ATP8A2: variants seen among roughly 807,000 people sequenced by gnomAD.
The protein encoded by ATP8A2 is ATPase phospholipid transporting 8A2.
A neutral mutation model predicts 165.6 loss-of-function variants in ATP8A2; 100 were observed. The observed-to-expected ratio is 0.60, with a 90% CI of 0.51 to 0.71. ATP8A2 has a LOEUF of 0.71. ATP8A2 is among the 30% of genes least tolerant of loss of function. ATP8A2 has a pLI of 0.00. For missense variants in ATP8A2, 1,227 were observed against 1,479.5 expected, an observed-to-expected ratio of 0.83 and a Z score of 2.80; for synonymous variants, 543 against 548.8, an observed-to-expected ratio of 0.99 and a Z score of 0.15.
intron 15 of ATP8A2, among the ~76,000 whole-genome samples, chr13:25,560,360 A>T (rs894248017): frequency 6.6e-6 from 1 of 152,082 alleles, no homozygotes; most frequent in South Asian, 2.1e-4. Context: ...TTTTTAAAAA[A>T]TTTTATTTTT....
intron 24 of ATP8A2, among the ~76,000 whole-genome samples, chr13:25,628,583 A>G (rs1259565756): frequency 2.0e-5 from 3 of 152,010 alleles, no homozygotes; most frequent in Non-Finnish European, 2.9e-5. Context: ...TTTAAATAGC[A>G]GAAACTTGTC....
chr13:25,858,258 T>A (rs1952230521), intron 30 of ATP8A2, among the ~76,000 whole-genome samples: 1 of 152,232 alleles, frequency 6.6e-6, no homozygotes, highest in Non-Finnish European at 1.5e-5. Flanking sequence ...TGTTGCCTTC[T>A]TGGGATTAAT....
intron 30 of ATP8A2, among the ~76,000 whole-genome samples, chr13:25,851,352 C>T (rs539456524): frequency 7.9e-5 from 12 of 152,144 alleles, no homozygotes; most frequent in Admixed American, 1.3e-4. Context: ...GAGGCCAAGG[C>T]GGGCAGATCA....
chr13:25,907,083 T>A (rs911155368), intron 33 of ATP8A2, among the ~76,000 whole-genome samples: 1 of 152,104 alleles, frequency 6.6e-6, no homozygotes, highest in African/African-American at 2.4e-5. Flanking sequence ...TGCAAAAAAC[T>A]AGCCGGCGTG....
intron 27 of ATP8A2, among the ~76,000 whole-genome samples, chr13:25,790,930 G>GT (rs2045154936): frequency 6.6e-6 from 1 of 152,138 alleles, no homozygotes; most frequent in South Asian, 2.1e-4. Flanking sequence ...TACACTGTTG[G>GT]TGGGAGTGTA....
At chr13:25,639,180 A>G (rs1395709643) in intron 24 of ATP8A2, among the ~76,000 whole-genome samples, 1 of 152,242 alleles carries the variant, frequency 6.6e-6, no homozygotes, top group Non-Finnish European at 1.5e-5. Context: ...GATGCTAGGA[A>G]GAAATTGCAT....
chr13:25,409,151 G>A (rs1036657363), intron 1 of ATP8A2, among the ~76,000 whole-genome samples: 11 of 152,194 alleles, frequency 7.2e-5, no homozygotes, highest in African/African-American at 2.7e-4. Context: ...CAGCAGGCCT[G>A]CTTTCATCTC....
intron 24 of ATP8A2, among the ~76,000 whole-genome samples, chr13:25,593,540 T>C (rs1472365228): frequency 1.3e-5 from 2 of 152,206 alleles, no homozygotes; most frequent in Non-Finnish European, 2.9e-5. Context: ...ATTAAAATGC[T>C]GGAAAAAAAG....
intron 35 of ATP8A2, among the ~76,000 whole-genome samples, chr13:25,987,914 G>T (rs573708094): frequency 2.0e-5 from 3 of 152,332 alleles, no homozygotes; most frequent in South Asian, 2.1e-4. Context: ...TCTTCGTGTG[G>T]CTGATTTGCA....
chr13:25,408,484 G>A (rs1593267250), intron 1 of ATP8A2, among the ~76,000 whole-genome samples: 4 of 152,014 alleles, frequency 2.6e-5, no homozygotes, highest in Admixed American at 1.3e-4. Context: ...AGACTTGTAC[G>A]CAGTTCCCTG....
intron 24 of ATP8A2, among the ~76,000 whole-genome samples, chr13:25,686,200 T>C (rs1171118156): frequency 6.6e-6 from 1 of 152,128 alleles, no homozygotes; most frequent in African/African-American, 2.4e-5. Context: ...GCATGCTATA[T>C]TTGGGATGCC....
intron 33 of ATP8A2, among the ~76,000 whole-genome samples, chr13:25,910,706 G>A (rs73472931): frequency 0.026 from 3,957 of 152,136 alleles, 150 homozygotes; most frequent in African/African-American, 0.086. Context: ...ACGCTGTTTC[G>A]CTCACAAGGT....
chr13:25,844,575 C>T (rs1346475792), intron 30 of ATP8A2, among the ~76,000 whole-genome samples: 1 of 152,026 alleles, frequency 6.6e-6, no homozygotes, highest in Admixed American at 6.5e-5. Flanking sequence ...ATCCTCCCCA[C>T]CCCCAAAGAG....
intron 33 of ATP8A2, among the ~76,000 whole-genome samples, chr13:25,872,983 A>G (rs989675885): frequency 6.6e-6 from 1 of 151,996 alleles, no homozygotes; most frequent in South Asian, 2.1e-4. Context: ...GACGTATTTC[A>G]AGTACTCAGT....
chr13:25,697,864 T>G (rs908882896), intron 24 of ATP8A2, among the ~76,000 whole-genome samples: 4 of 152,210 alleles, frequency 2.6e-5, no homozygotes, highest in African/African-American at 9.7e-5. Context: ...ACATCTTTCT[T>G]AAATAAATCT....
chr13:25,408,188 A>G (rs2033863526), intron 1 of ATP8A2, among the ~76,000 whole-genome samples: 2 of 152,002 alleles, frequency 1.3e-5, no homozygotes, highest in South Asian at 4.2e-4. Flanking sequence ...AGGTCAGGAG[A>G]CCAAGACAAT....
intron 33 of ATP8A2, among the ~76,000 whole-genome samples, chr13:25,893,894 G>T (rs1390780382): frequency 6.6e-6 from 1 of 152,066 alleles, no homozygotes; most frequent in Non-Finnish European, 1.5e-5. Context: ...TTTTTGATGG[G>T]GTTGTTTGTT....
intron 24 of ATP8A2, among the ~76,000 whole-genome samples, chr13:25,653,805 C>T (rs2041868634): frequency 6.6e-6 from 1 of 152,054 alleles, no homozygotes; most frequent in Non-Finnish European, 1.5e-5. Flanking sequence ...GAAATCTGTT[C>T]CAACTTTTCA....
intron 24 of ATP8A2, among the ~76,000 whole-genome samples, chr13:25,666,833 G>A (rs74372956): frequency 0.035 from 5,318 of 152,188 alleles, 155 homozygotes; most frequent in East Asian, 0.13. Context: ...TAAGGCTGAG[G>A]TAGCCAAAAC....
Sources: gnomAD v4.1 joint callset for allele counts (sites outside exome capture counted in the v4.1 genomes callset) on GRCh38, gnomAD v4.1.1 for gene constraint, MANE v1.5 for transcripts, NCBI Gene and HGNC (gene_info 2026-07-23, HGNC 2026-07-21) for gene names.